The following BCR variants were observed in gnomAD, a reference collection of about 807,000 sequenced individuals.
BCR encodes BCR activator of RhoGEF and GTPase.
In BCR, 58 loss-of-function variants were observed where a neutral mutation model predicts 138.6. The ratio of observed to expected loss-of-function variants is 0.42; its 90% CI spans 0.34 to 0.52. The LOEUF (loss-of-function observed/expected upper bound fraction) is 0.52. Among genes scored for constraint, BCR ranks in the 20% least tolerant of loss-of-function variants. The pLI, the probability that BCR is intolerant of heterozygous loss-of-function variation, is 0.06. For missense variants in BCR, 1,599 were observed against 1,727.2 expected, an observed-to-expected ratio of 0.93 and a Z score of 1.32; for synonymous variants, 786 against 730.1, an observed-to-expected ratio of 1.08 and a Z score of -1.23.
rs2073509471 is a variant in BCR at position 23,271,562 on chromosome 22, A to C, written c.1891A>C (p.Lys631Gln). The C allele has an allele frequency of 6.2e-7, 1 of 1,614,146 alleles. No individual in the cohort carries two copies. The highest frequency in any genetic ancestry group is 8.5e-7 in the Non-Finnish European group (1 of 1,180,036). ...GAGAGCCAGAAGCAACAAAGATGCC[A>C]AGGATCCAACGACCAAGAACTCTCT... ...NLRARSNKDA[K>Q]DPTTKNSLET... The change falls in exon 6 of 23, where the codon AAG becomes CAG. Residue 631 changes from lysine (K) to glutamine (Q), a missense_variant. Physicochemically the swap from Lys to Gln is moderately conservative, Grantham distance 53 (BLOSUM62 1). Transcript: ENST00000305877.
intron 4 of BCR, chr22:23,264,136 C>A: frequency 2.0e-6 from 3 of 1,515,036 alleles, no homozygotes; most frequent in Non-Finnish European, 2.7e-6. Flanking sequence ...CACAACAGCA[C>A]CCTGTACTGC....
intron 8 of BCR, among the ~76,000 whole-genome samples, chr22:23,277,950 A>G (rs1413395042): frequency 6.6e-6 from 1 of 152,232 alleles, no homozygotes; most frequent in Non-Finnish European, 1.5e-5. Flanking sequence ...GGTGCTGCCC[A>G]AGAGAATGCC....
intron 16 of BCR, among the ~76,000 whole-genome samples, chr22:23,297,207 G>GTTTTTTTTTTTTTT (rs1307353327): frequency 4.1e-5 from 4 of 97,378 alleles, no homozygotes; most frequent in Admixed American, 3.3e-4. Flanking sequence ...TGGCTAAGTT[G>GTTTTTTTTTTTTTT]TTTTTTGTTT....
At position 23,284,024 on chromosome 22, in the gene BCR, G is replaced by T; in HGVS notation, c.2163G>T (p.Gly721=). ...GCTTCATGGTGGAGCTGGTGGAGGG[G>T]GCCCGCAAGCTGCGCCACGTCTTCC... is the stretch of plus-strand genomic sequence containing the variant. The part of the protein sequence containing the change: ...KDSFMVELVE[G]ARKLRHVFLF... Residue 721 remains glycine, a synonymous_variant, in exon 9 of 23, where the codon GGG becomes GGT. Transcript: ENST00000305877. 1 of 1,605,016 alleles carries T rather than the reference G, an allele frequency of 6.2e-7. No homozygotes were observed. Among genetic ancestry groups the T allele is most frequent in the East Asian group, 2.2e-5 (1 of 44,528 alleles).
chr22:23,205,008 T>C (rs1056807391), intron 1 of BCR, among the ~76,000 whole-genome samples: 3 of 152,172 alleles, frequency 2.0e-5, no homozygotes, highest in African/African-American at 4.8e-5. Context: ...TGTGCTATAG[T>C]GGGAGGAGCA....
At chr22:23,295,293 G>A (rs779136172) in intron 16 of BCR, 138 bp downstream of exon 16, 174 of 1,134,084 alleles carry the variant, frequency 1.5e-4, no homozygotes, top group Admixed American at 2.8e-4. Context: ...AACATCCATC[G>A]TGGGAGACCT....
At chr22:23,296,277 G>A (rs894973086) in intron 16 of BCR, among the ~76,000 whole-genome samples, 3 of 151,788 alleles carry the variant, frequency 2.0e-5, no homozygotes, top group Admixed American at 1.3e-4. Context: ...GGGAGGCCGA[G>A]GCAGGAGAAT....
At chr22:23,290,602 G>A in intron 14 of BCR, 189 bp downstream of exon 14, 1 of 619,258 alleles carries the variant, frequency 1.6e-6, no homozygotes, top group East Asian at 2.9e-5. Flanking sequence ...TTTTCCCGGA[G>A]TGGCCTCTGC....
intron 1 of BCR, among the ~76,000 whole-genome samples, chr22:23,226,833 T>C (rs1241903756): frequency 6.6e-6 from 1 of 152,110 alleles, no homozygotes; most frequent in East Asian, 1.9e-4. Flanking sequence ...AATAGCAGAG[T>C]ATCTTTTCAA....
At chr22:23,253,164 T>C (rs1487583952) in intron 1 of BCR, among the ~76,000 whole-genome samples, 1 of 152,116 alleles carries the variant, frequency 6.6e-6, no homozygotes, top group Non-Finnish European at 1.5e-5. Flanking sequence ...CAGAGGAAGG[T>C]CTGTGGGAAG....
chr22:23,255,607 C>CTTGATGCAGTTCCTGGCCCCGAAAGGAAG (rs1405482082), intron 2 of BCR, among the ~76,000 whole-genome samples: 1 of 152,200 alleles, frequency 6.6e-6, no homozygotes, highest in Non-Finnish European at 1.5e-5. Context: ...CCAGCCAGTC[C>CTTGATGCAGTTCCTGGCCCCGAAAGGAAG]TTGATGCAGT....
intron 1 of BCR, among the ~76,000 whole-genome samples, chr22:23,205,749 T>G (rs944218324): frequency 1.8e-4 from 28 of 151,676 alleles, no homozygotes; most frequent in Admixed American, 1.3e-4. Context: ...AGAGGCAAAA[T>G]CGATGCTACT....
intron 1 of BCR, among the ~76,000 whole-genome samples, chr22:23,190,634 G>A (rs926373344): frequency 3.9e-5 from 6 of 152,198 alleles, no homozygotes; most frequent in African/African-American, 1.4e-4. Flanking sequence ...GCATGGTTTA[G>A]TTCGTAACAC....
chr22:23,278,193 T>G (rs1166392546), intron 8 of BCR, among the ~76,000 whole-genome samples: 1 of 152,224 alleles, frequency 6.6e-6, no homozygotes, highest in Admixed American at 6.5e-5. Context: ...CTCGGAAGCA[T>G]AGCGGACGAT....
In BCR at chr22:23,253,943, A is replaced by G; in HGVS notation, c.1424A>G (p.Asp475Gly). ...AGCAGCAAGGGCAGGGGCAGCCGGG[A>G]TGCGCTGGTCTCGGGAGCCCTGGAG... Reference protein sequence around the residue: ...HLSSKGRGSRDALVSGALEST... With the variant: ...HLSSKGRGSRGALVSGALEST... The change falls in exon 2 of 23, where the codon GAT (aspartate) becomes GGT (glycine). Residue 475 changes from aspartate to glycine, a missense_variant. Around this residue, in one of 4 missense-constraint regions of BCR, gnomAD observed 590 missense variants for 762.4 expected, o/e 0.77. Coordinates refer to ENST00000305877, the MANE Select transcript of BCR (RefSeq NM_004327.4). 1 of 1,612,948 alleles carries G rather than the reference A, an allele frequency of 6.2e-7. No homozygotes were observed. The highest frequency in any genetic ancestry group is 8.5e-7 in the Non-Finnish European group (1 of 1,179,940).
intron 1 of BCR, among the ~76,000 whole-genome samples, chr22:23,185,917 G>A (rs890448569): frequency 6.6e-6 from 1 of 151,988 alleles, no homozygotes; most frequent in Non-Finnish European, 1.5e-5. Flanking sequence ...TTTTAGTAGA[G>A]ACGGGGTTTC....
chr22:23,286,021 C>T (rs952532277), intron 10 of BCR, among the ~76,000 whole-genome samples: 1 of 152,212 alleles, frequency 6.6e-6, no homozygotes, highest in African/African-American at 2.4e-5. Context: ...CAGGCTGCGT[C>T]CTTTGCCGTG....
At chr22:23,189,109 C>T (rs921605107) in intron 1 of BCR, among the ~76,000 whole-genome samples, 1 of 152,214 alleles carries the variant, frequency 6.6e-6, no homozygotes, top group South Asian at 2.1e-4. Context: ...ATCTGCCCCC[C>T]TCAGCCTCCC....
intron 1 of BCR, among the ~76,000 whole-genome samples, chr22:23,233,953 G>A (rs1416682613): frequency 1.3e-5 from 2 of 152,020 alleles, no homozygotes; most frequent in Non-Finnish European, 2.9e-5. Flanking sequence ...CTCTCTGGGT[G>A]GTCGCTGACC....
Sources: gnomAD v4.1 joint callset for allele counts (sites outside exome capture counted in the v4.1 genomes callset) on GRCh38, gnomAD v4.1.1 for gene constraint, gnomAD v4.1.1 regional missense constraint, MANE v1.5 for transcripts, NCBI Gene and HGNC (gene_info 2026-07-23, HGNC 2026-07-21) for gene names.